QTMAN: variants seen among roughly 807,000 people sequenced by gnomAD.
QTMAN encodes the protein queuosine-tRNA mannosyltransferase, also known as tRNA-queuosine alpha-mannosyltransferase.
At chr2:143,973,319 A>T in the QTMAN span, among the ~76,000 whole-genome samples, 2 of 152,190 alleles carry the variant, frequency 1.3e-5, no homozygotes, top group African/African-American at 4.8e-5. Context: ...CATGAAATTT[A>T]AGAGTGGGAA....
the QTMAN span, among the ~76,000 whole-genome samples, chr2:143,972,235 T>C: frequency 2.6e-5 from 4 of 152,274 alleles, no homozygotes; most frequent in African/African-American, 9.6e-5. Flanking sequence ...ATCAATCAAA[T>C]AGCTGCCACC....
At chr2:144,060,605 T>A in the QTMAN span, among the ~76,000 whole-genome samples, 1 of 152,202 alleles carries the variant, frequency 6.6e-6, no homozygotes, top group African/African-American at 2.4e-5. Flanking sequence ...CTATCAGATC[T>A]TTATATCCTC....
the QTMAN span, among the ~76,000 whole-genome samples, chr2:143,984,344 T>C: frequency 2.0e-5 from 3 of 152,248 alleles, no homozygotes; most frequent in East Asian, 5.8e-4. Flanking sequence ...CAAATAGATG[T>C]GCAGGTGGAA....
the QTMAN span, among the ~76,000 whole-genome samples, chr2:144,247,903 C>G: frequency 1.3e-5 from 2 of 152,164 alleles, no homozygotes; most frequent in Non-Finnish European, 2.9e-5. Context: ...ACTGCCCAGG[C>G]TGGTCTCGCA....
At chr2:144,076,934 C>CAAGGTGAGACTCGGTCTATTAAAAAA in the QTMAN span, among the ~76,000 whole-genome samples, 4 of 149,470 alleles carry the variant, frequency 2.7e-5, no homozygotes, top group Non-Finnish European at 5.9e-5. Flanking sequence ...ACCTGGGCAG[C>CAAGGTGAGACTCGGTCTATTAAAAAA]AAGGTGAGAC....
At chr2:144,226,928 T>A in the QTMAN span, among the ~76,000 whole-genome samples, 1 of 152,138 alleles carries the variant, frequency 6.6e-6, no homozygotes, top group African/African-American at 2.4e-5. Context: ...GTAGTCTCCA[T>A]CCTTCTAAGA....
chr2:144,126,902 T>A, the QTMAN span, among the ~76,000 whole-genome samples: 1 of 152,064 alleles, frequency 6.6e-6, no homozygotes. Context: ...ACTAGAAGGC[T>A]TTTTGAACCC....
the QTMAN span, among the ~76,000 whole-genome samples, chr2:144,134,181 A>G: frequency 6.6e-6 from 1 of 152,138 alleles, no homozygotes; most frequent in Non-Finnish European, 1.5e-5. Flanking sequence ...CTGCTTTGCA[A>G]TGTAAAATAG....
At chr2:144,165,860 T>C in the QTMAN span, among the ~76,000 whole-genome samples, 1 of 152,192 alleles carries the variant, frequency 6.6e-6, no homozygotes, top group Non-Finnish European at 1.5e-5. Flanking sequence ...TTCTCAAATA[T>C]GTCCCTTCAA....
the QTMAN span, among the ~76,000 whole-genome samples, chr2:144,140,572 T>C: frequency 2.6e-5 from 4 of 152,178 alleles, no homozygotes; most frequent in African/African-American, 7.2e-5. Flanking sequence ...TACAAATACA[T>C]AGATAATATA....
the QTMAN span, among the ~76,000 whole-genome samples, chr2:143,951,366 A>G: frequency 1.3e-5 from 2 of 151,610 alleles, no homozygotes; most frequent in African/African-American, 4.8e-5. Flanking sequence ...TCAAATAAAG[A>G]AAAGAAGATA....
chr2:144,248,596 C>G, the QTMAN span, among the ~76,000 whole-genome samples: 1 of 152,142 alleles, frequency 6.6e-6, no homozygotes, highest in Non-Finnish European at 1.5e-5. Flanking sequence ...CTGTTTATGT[C>G]TGTTCTTGCA....
the QTMAN span, among the ~76,000 whole-genome samples, chr2:144,306,031 T>C: frequency 6.6e-6 from 1 of 152,204 alleles, no homozygotes; most frequent in African/African-American, 2.4e-5. Context: ...CTGGATGCCT[T>C]TATTTCTTTT....
chr2:144,280,553 A>G, the QTMAN span, among the ~76,000 whole-genome samples: 3 of 152,192 alleles, frequency 2.0e-5, no homozygotes, highest in Non-Finnish European at 4.4e-5. Flanking sequence ...TAAAAACAGG[A>G]AAAGAAATCA....
At chr2:144,030,253 C>G in the QTMAN span, among the ~76,000 whole-genome samples, 1 of 152,186 alleles carries the variant, frequency 6.6e-6, no homozygotes. Flanking sequence ...GTCTCACAAT[C>G]TCCTTGGGAC....
chr2:144,127,545 T>G, the QTMAN span, among the ~76,000 whole-genome samples: 1 of 152,010 alleles, frequency 6.6e-6, no homozygotes, highest in African/African-American at 2.4e-5. Flanking sequence ...TCATATACTT[T>G]AATAATCCCT....
the QTMAN span, among the ~76,000 whole-genome samples, chr2:143,994,847 C>A: frequency 1.3e-5 from 2 of 152,062 alleles, no homozygotes; most frequent in Non-Finnish European, 2.9e-5. Context: ...TACTAAAAAT[C>A]GCTGAATTGT....
At chr2:144,175,879 G>C in the QTMAN span, among the ~76,000 whole-genome samples, 4 of 152,056 alleles carry the variant, frequency 2.6e-5, no homozygotes, top group Admixed American at 6.6e-5. Flanking sequence ...TGGCCAGGCT[G>C]GTCTTGGAAC....
chr2:144,175,994 A>C, the QTMAN span, among the ~76,000 whole-genome samples: 6 of 152,180 alleles, frequency 3.9e-5, no homozygotes, highest in Non-Finnish European at 7.3e-5. Flanking sequence ...TTAAACTGGT[A>C]TAGTGAAATA....
Sources: allele counts gnomAD v4.1 joint callset (sites outside exome capture counted in the v4.1 genomes callset), GRCh38; gene constraint gnomAD v4.1.1; transcripts MANE v1.5; gene names NCBI Gene and HGNC (gene_info 2026-07-23, HGNC 2026-07-21).